Variants in SLC14A2 observed in about 807,000 individuals in gnomAD.
The protein encoded by SLC14A2 is solute carrier family 14 member 2, also known as urea transporter 2.
In SLC14A2, 91 loss-of-function variants were observed where a neutral mutation model predicts 104.6. That is an observed-to-expected ratio of 0.87 (90% CI 0.73 to 1.04). The LOEUF (loss-of-function observed/expected upper bound fraction) is 1.04. Ranked by LOEUF, SLC14A2 falls within the 50% of genes least tolerant of loss-of-function variation. SLC14A2 has a pLI of 0.00. For synonymous variants in SLC14A2, 476 were observed against 466.4 expected (o/e 1.02, Z -0.27); for missense variants, 1,189 against 1,156.0 (o/e 1.03, Z -0.41).
chr18:45,270,762 C>T (rs2084643271), intron 1 of SLC14A2, among the ~76,000 whole-genome samples: 1 of 152,090 alleles, frequency 6.6e-6, no homozygotes, highest in African/African-American at 2.4e-5. Context: ...AGTCCAGAGC[C>T]TGCCAAGAAA....
At chr18:45,547,952 C>G (rs537500126) in intron 2 of SLC14A2, among the ~76,000 whole-genome samples, 1 of 152,154 alleles carries the variant, frequency 6.6e-6, no homozygotes, top group Non-Finnish European at 1.5e-5. Flanking sequence ...TGGGCAGCGT[C>G]GGCTAGGAGA....
intron 2 of SLC14A2, among the ~76,000 whole-genome samples, chr18:45,585,149 CCT>C (rs1360389586): frequency 2.0e-5 from 3 of 152,154 alleles, no homozygotes; most frequent in Non-Finnish European, 4.4e-5. Context: ...TCCTCCTCCT[CCT>C]CCTCCTTCCT....
chr18:45,442,807 C>G (rs1222287220), intron 1 of SLC14A2, among the ~76,000 whole-genome samples: 1 of 152,126 alleles, frequency 6.6e-6, no homozygotes, highest in Non-Finnish European at 1.5e-5. Context: ...GTTTGCTAAG[C>G]CTTCATTTGC....
At chr18:45,617,162 A>G (rs1197790894) in intron 1 of SLC14A2, among the ~76,000 whole-genome samples, 3 of 152,144 alleles carry the variant, frequency 2.0e-5, no homozygotes, top group Non-Finnish European at 4.4e-5. Context: ...TCCAAACACA[A>G]GCTAAGGAGG....
Position 45,444,211 on chromosome 18 carries a change from C to T in SLC14A2, c.-124-39022C>T, listed in dbSNP as rs559848137. Among the ~76,000 whole-genome samples the T allele has an allele frequency of 1.2e-4, 19 of 152,258 alleles. No homozygotes were observed. In the South Asian group the frequency reaches 3.9e-3, roughly 32 times the overall value. Reference sequence around the variant, plus strand: ...GTTTTCTGAGGTGTTAACAGCAATCCTAGAGATAAGACAAGTTGAGAGCTC... The same window carrying T: ...GTTTTCTGAGGTGTTAACAGCAATCTTAGAGATAAGACAAGTTGAGAGCTC... On this transcript the variant is annotated intron_variant, in intron 1 of 20. Coordinates refer to the SLC14A2 transcript ENST00000586448.
At chr18:45,330,314 C>T (rs1235433941) in intron 1 of SLC14A2, among the ~76,000 whole-genome samples, 1 of 152,192 alleles carries the variant, frequency 6.6e-6, no homozygotes, top group Non-Finnish European at 1.5e-5. Context: ...GCCTGTCCAG[C>T]TGGACTTGAA....
At chr18:45,369,830 C>A (rs2085703693) in intron 1 of SLC14A2, among the ~76,000 whole-genome samples, 1 of 152,212 alleles carries the variant, frequency 6.6e-6, no homozygotes, top group Non-Finnish European at 1.5e-5. Context: ...CAGTCAAATA[C>A]ACCCTCTAAA....
intron 5 of SLC14A2, among the ~76,000 whole-genome samples, chr18:45,634,474 A>C (rs527643021): frequency 5.9e-5 from 9 of 152,236 alleles, no homozygotes; most frequent in Non-Finnish European, 1.3e-4. Context: ...GTGCTCAGGG[A>C]AGACAACTTT....
chr18:45,340,589 G>T (rs1478579078), intron 1 of SLC14A2, among the ~76,000 whole-genome samples: 18 of 152,168 alleles, frequency 1.2e-4, no homozygotes, highest in Non-Finnish European at 1.5e-5. Context: ...AGGTATATTT[G>T]CTCTGGATCC....
At chr18:45,212,797 C>T (rs1447691241), upstream of SLC14A2, among the ~76,000 whole-genome samples, 1 of 152,152 alleles carries the variant, frequency 6.6e-6, no homozygotes, top group African/African-American at 2.4e-5. Flanking sequence ...CATACACTCA[C>T]TTTAGTCCGT....
At chr18:45,535,504 T>A (rs2144842924) in intron 2 of SLC14A2, among the ~76,000 whole-genome samples, 1 of 152,172 alleles carries the variant, frequency 6.6e-6, no homozygotes, top group East Asian at 1.9e-4. Context: ...TCCATCCTCA[T>A]CTTACAGATG....
rs147976648 is a variant in SLC14A2 at position 45,422,996 on chromosome 18, C to T, written c.-124-60237C>T. ...CTTCCACTATCTTACTTTTCTACCT[C>T]GTTAAGGACAGGAGCCCCTCCATTA... On this transcript the variant is annotated intron_variant, in intron 1 of 20. Coordinates refer to the SLC14A2 transcript ENST00000586448. 9.8e-3 allele frequency among the ~76,000 whole-genome samples: 1,500 copies of T among 152,290 alleles called. 16 individuals carry two copies. The highest frequency in any genetic ancestry group is 0.024 in the African/African-American group (999 of 41,564).
intron 1 of SLC14A2, among the ~76,000 whole-genome samples, chr18:45,381,730 G>A (rs2085837530): frequency 1.3e-5 from 2 of 152,114 alleles, no homozygotes; most frequent in South Asian, 2.1e-4. Flanking sequence ...AACTCCGGGG[G>A]TTGGGGGGCA....
the SLC14A2 span, among the ~76,000 whole-genome samples, chr18:45,185,876 A>G: frequency 6.6e-6 from 1 of 152,182 alleles, no homozygotes; most frequent in Non-Finnish European, 1.5e-5. Context: ...TTTAAATTCC[A>G]CTTACAATAG....
At chr18:45,224,472 A>G (rs972604662) in intron 1 of SLC14A2, among the ~76,000 whole-genome samples, 1 of 152,190 alleles carries the variant, frequency 6.6e-6, no homozygotes, top group Non-Finnish European at 1.5e-5. Flanking sequence ...TCACATTCAC[A>G]CTATGGAGTC....
intron 1 of SLC14A2, among the ~76,000 whole-genome samples, chr18:45,275,769 A>C (rs77925542): frequency 0.027 from 4,055 of 152,302 alleles, 118 homozygotes; most frequent in East Asian, 0.1. Context: ...TTTACTAATA[A>C]AGTGATCAGT....
intron 1 of SLC14A2, among the ~76,000 whole-genome samples, chr18:45,449,041 T>A (rs1348296056): frequency 3.3e-5 from 5 of 152,120 alleles, no homozygotes; most frequent in Admixed American, 2.0e-4. Flanking sequence ...CAGGTGGCCA[T>A]CCCAAAGGGC....
At chr18:45,540,572 A>G (rs1356112532) in intron 2 of SLC14A2, among the ~76,000 whole-genome samples, 1 of 152,028 alleles carries the variant, frequency 6.6e-6, no homozygotes, top group African/African-American at 2.4e-5. Context: ...GTGAGACCTC[A>G]TCTCTACTAA....
In SLC14A2 at chr18:45,361,702, C is replaced by G. The variant is rs145767800; in HGVS notation, c.-124-121531C>G. Among the ~76,000 whole-genome samples the G allele has an allele frequency of 5.2e-3, 799 of 152,274 alleles. 5 individuals carry two copies. Among genetic ancestry groups the G allele is most frequent in the African/African-American group, 0.018 (745 of 41,554 alleles). On this transcript the variant is annotated intron_variant, in intron 1 of 20. Transcript: ENST00000586448. Reference sequence around the variant, plus strand: ...CTGACTCAAGCACAGTCCTGGCAGCCCTCTCCCTCTCGGCCAGGGCTGCTC... The same window carrying G: ...CTGACTCAAGCACAGTCCTGGCAGCGCTCTCCCTCTCGGCCAGGGCTGCTC...
Sources: allele counts gnomAD v4.1 joint callset (sites outside exome capture counted in the v4.1 genomes callset), GRCh38; gene constraint gnomAD v4.1.1; transcripts MANE v1.5; gene names NCBI Gene and HGNC (gene_info 2026-07-23, HGNC 2026-07-21).